ATP6V1H: variants seen among roughly 807,000 people sequenced by gnomAD.
The protein encoded by ATP6V1H is V-type proton ATPase subunit H.
A neutral mutation model predicts 71.7 loss-of-function variants in ATP6V1H; 39 were observed. The observed-to-expected ratio is 0.54, with a 90% CI of 0.42 to 0.71. ATP6V1H has a LOEUF of 0.71. ATP6V1H is among the 30% of genes least tolerant of loss of function. ATP6V1H has a pLI of 0.00. For synonymous variants in ATP6V1H, 192 were observed against 199.3 expected (o/e 0.96, Z 0.31); for missense variants, 509 against 594.9 (o/e 0.86, Z 1.50).
chr8:53,784,820 ATTCTG>A (rs1456193131), intron 9 of ATP6V1H, among the ~76,000 whole-genome samples: 2 of 152,186 alleles, frequency 1.3e-5, no homozygotes, highest in African/African-American at 4.8e-5. Flanking sequence ...TGGATATGAA[ATTCTG>A]GGTTGAAAAT....
At chr8:53,826,678 G>A (rs1810831156) in intron 4 of ATP6V1H, among the ~76,000 whole-genome samples, 1 of 152,112 alleles carries the variant, frequency 6.6e-6, no homozygotes, top group Admixed American at 6.5e-5. Context: ...TGAGCGCAGT[G>A]GCTCACACTT....
chr8:53,727,463 C>T (rs543834863), intron 13 of ATP6V1H, among the ~76,000 whole-genome samples: 5 of 152,334 alleles, frequency 3.3e-5, no homozygotes, highest in South Asian at 2.1e-4. Context: ...TTCTGTCAGC[C>T]CATTCCATGT....
rs1810392341 is a variant in ATP6V1H at position 53,814,769 on chromosome 8, G to A, written c.421-3C>T. On this transcript the variant is annotated splice_region_variant and splice_polypyrimidine_tract_variant and intron_variant, in intron 5 of 13. Coordinates refer to ENST00000359530, the MANE Select transcript of ATP6V1H (RefSeq NM_015941.4). ...AACTTGGCAATAATTCTTGCTGCCT[G>A]AAAACAAATAAGAGATACATTTAAC... The A allele has an allele frequency of 6.3e-7, 1 of 1,595,022 alleles. No individual in the cohort carries two copies. The highest frequency in any genetic ancestry group is 1.7e-5 in the Admixed American group (1 of 59,318).
chr8:53,738,282 G>T (rs75721544), intron 13 of ATP6V1H, among the ~76,000 whole-genome samples: 3,075 of 143,784 alleles, frequency 0.021, 48 homozygotes, highest in Non-Finnish European at 0.033. Context: ...AGGTGACAGT[G>T]CGAGACTCTG....
chr8:53,819,501 C>T (rs1346164870), intron 4 of ATP6V1H, among the ~76,000 whole-genome samples: 4 of 129,628 alleles, frequency 3.1e-5, no homozygotes, highest in Non-Finnish European at 4.8e-5. Context: ...CACTGCACTC[C>T]AGCCTCAGTG....
At chr8:53,742,151 C>T (rs1412533781) in intron 13 of ATP6V1H, among the ~76,000 whole-genome samples, 2 of 152,184 alleles carry the variant, frequency 1.3e-5, no homozygotes, top group East Asian at 1.9e-4. Context: ...TGTTTTTCCC[C>T]TCGTACCATC....
intron 13 of ATP6V1H, 99 bp from the exon 14 acceptor site, chr8:53,716,123 T>C (rs1806415904): frequency 2.2e-6 from 2 of 890,888 alleles, no homozygotes; most frequent in Admixed American, 3.0e-5. Flanking sequence ...ATACTTACTT[T>C]AACATCCAAA....
intron 1 of ATP6V1H, among the ~76,000 whole-genome samples, chr8:53,842,041 G>A (rs1811358957): frequency 6.6e-6 from 1 of 152,078 alleles, no homozygotes; most frequent in Non-Finnish European, 1.5e-5. Context: ...ATAAATATGG[G>A]AAAAATTGTA....
intron 6 of ATP6V1H, among the ~76,000 whole-genome samples, chr8:53,813,785 G>A (rs1037221177): frequency 5.3e-5 from 8 of 152,112 alleles, no homozygotes; most frequent in Non-Finnish European, 7.3e-5. Flanking sequence ...CTTCCTCCAC[G>A]AAGACATAGA....
chr8:53,784,494 T>C (rs1263596219), intron 9 of ATP6V1H, among the ~76,000 whole-genome samples: 1 of 152,182 alleles, frequency 6.6e-6, no homozygotes, highest in Non-Finnish European at 1.5e-5. Flanking sequence ...TTTATCCAAT[T>C]TGCCAGTCTG....
At chr8:53,765,645 A>G (rs1034273191) in intron 11 of ATP6V1H, among the ~76,000 whole-genome samples, 10 of 152,222 alleles carry the variant, frequency 6.6e-5, no homozygotes, top group Admixed American at 5.9e-4. Flanking sequence ...GAAACAAATA[A>G]ACAGATATTC....
At chr8:53,839,166 TG>T (rs1811268419) in intron 2 of ATP6V1H, among the ~76,000 whole-genome samples, 1 of 152,230 alleles carries the variant, frequency 6.6e-6, no homozygotes, top group Non-Finnish European at 1.5e-5. Flanking sequence ...AAAAGCTCCA[TG>T]TAACTACAAA....
At chr8:53,775,529 A>AGTTAGATACAGAGTTTG (rs1808845059) in intron 9 of ATP6V1H, among the ~76,000 whole-genome samples, 1 of 150,662 alleles carries the variant, frequency 6.6e-6, no homozygotes, top group Non-Finnish European at 1.5e-5. Context: ...CCATCAGATT[A>AGTTAGATACAGAGTTTG]GTTAGATACA....
chr8:53,736,924 G>T (rs930435424), intron 13 of ATP6V1H, among the ~76,000 whole-genome samples: 3 of 152,344 alleles, frequency 2.0e-5, no homozygotes, highest in African/African-American at 7.2e-5. Flanking sequence ...AACCCCTGAC[G>T]TAACCGCTTG....
chr8:53,808,608 A>AT (rs1810169027), intron 7 of ATP6V1H, among the ~76,000 whole-genome samples: 1 of 152,078 alleles, frequency 6.6e-6, no homozygotes, highest in Non-Finnish European at 1.5e-5. Context: ...TCTCCACCAA[A>AT]ATACAAAAAA....
chr8:53,832,953 A>T (rs1811054161), intron 3 of ATP6V1H, 31 bp downstream of exon 3: 1 of 1,426,190 alleles, frequency 7.0e-7, no homozygotes, highest in South Asian at 1.2e-5. Context: ...TGACACGGGG[A>T]AGTGTTCATT....
intron 13 of ATP6V1H, among the ~76,000 whole-genome samples, chr8:53,722,006 T>C (rs892818235): frequency 2.0e-5 from 3 of 152,226 alleles, no homozygotes; most frequent in Non-Finnish European, 1.5e-5. Flanking sequence ...TTAAAAGAAA[T>C]TGCGTTAAAG....
chr8:53,810,979 C>T (rs1047850673), intron 7 of ATP6V1H, among the ~76,000 whole-genome samples, 185 bp downstream of exon 7: 4 of 152,090 alleles, frequency 2.6e-5, no homozygotes, highest in Middle Eastern at 3.2e-3. Context: ...CTTATGTCTA[C>T]CACAGAAAAG....
At position 53,801,877 on chromosome 8, in the gene ATP6V1H, C is replaced by A; in HGVS notation, c.599G>T (p.Cys200Phe). ...CATCAGCTGCAAACACCCGGCCACG[C>A]ACTGCACATACTGCGAACTCTGCAC... ...SSSDSSQYVQ[C>F]VAGCLQLMLR... Residue 200 changes from cysteine to phenylalanine, a missense_variant, in exon 8 of 14, where the codon TGC becomes TTC. Transcript: ENST00000359530. 1 of 1,613,878 alleles carries A rather than the reference C, an allele frequency of 6.2e-7. No individual in the cohort carries two copies.
Sources: gnomAD v4.1 joint callset for allele counts (sites outside exome capture counted in the v4.1 genomes callset) on GRCh38, gnomAD v4.1.1 for gene constraint, MANE v1.5 for transcripts, NCBI Gene and HGNC (gene_info 2026-07-23, HGNC 2026-07-21) for gene names.